DKK3: variants seen among roughly 807,000 people sequenced by gnomAD.
DKK3 encodes the protein dickkopf-related protein 3.
In DKK3, 22 loss-of-function variants were observed where a neutral mutation model predicts 33.2. The ratio of observed to expected loss-of-function variants is 0.66; its 90% CI spans 0.47 to 0.95. The LOEUF is 0.95. Among genes scored for constraint, DKK3 ranks in the 40% least tolerant of loss-of-function variants. The pLI is 0.00. For synonymous variants in DKK3, 194 were observed against 188.8 expected, an observed-to-expected ratio of 1.03 and a Z score of -0.23; for missense variants, 398 against 458.4, an observed-to-expected ratio of 0.87 and a Z score of 1.20.
intron 6 of DKK3, 40 bp from the exon 7 acceptor site, chr11:11,964,726 A>C (rs1430671436): frequency 6.3e-7 from 1 of 1,588,868 alleles, no homozygotes; most frequent in Admixed American, 1.8e-5. Context: ...TAAACGTGGG[A>C]GCCTGCCCAG....
At chr11:11,969,306 A>C (rs1426478864) in intron 3 of DKK3, among the ~76,000 whole-genome samples, 2 of 152,122 alleles carry the variant, frequency 1.3e-5, no homozygotes, top group Non-Finnish European at 2.9e-5. Context: ...ACAGCAGGGG[A>C]AGGAGGGCAG....
At chr11:12,001,179 G>C (rs776672511) in intron 2 of DKK3, among the ~76,000 whole-genome samples, 1 of 152,188 alleles carries the variant, frequency 6.6e-6, no homozygotes, top group Non-Finnish European at 1.5e-5. Context: ...TATTGGTTTT[G>C]ACAAGAATAA....
chr11:12,009,097 G>A, upstream of DKK3: 2 of 985,464 alleles, frequency 2.0e-6, no homozygotes, highest in Non-Finnish European at 2.4e-6. Flanking sequence ...CTACTCGAGC[G>A]CCCCGCCCCA....
At chr11:11,994,310 GATT>G (rs1019350420) in intron 3 of DKK3, among the ~76,000 whole-genome samples, 7 of 151,870 alleles carry the variant, frequency 4.6e-5, no homozygotes, top group African/African-American at 1.7e-4. Context: ...GTGAAAGGGG[GATT>G]ATTAGCCCCA....
chr11:11,967,242 G>C, intron 4 of DKK3, 144 bp from the exon 5 acceptor site: 1 of 1,087,870 alleles, frequency 9.2e-7, no homozygotes, highest in Non-Finnish European at 1.3e-6. Context: ...TTCAGTGAAA[G>C]TCAGTGGGAC....
Position 12,002,334 on chromosome 11 carries a change from T to G in DKK3, c.317A>C (p.Asn106Thr). The G allele has an allele frequency of 6.2e-7, 1 of 1,614,124 alleles. No homozygotes were observed. Among genetic ancestry groups the G allele is most frequent in the Non-Finnish European group, 8.5e-7 (1 of 1,180,008 alleles). The change falls in exon 2 of 7, where the codon AAT becomes ACT. Residue 106 changes from asparagine (N) to threonine (T), a missense_variant. Transcript: ENST00000683431. ...TTCTCGGTGCACATGGATGGTATTA[T>G]TTCCAACCTTCGTGTCTGTGTTGGT... ...NETNTDTKVG[N>T]NTIHVHREIH... is the part of the protein sequence containing the mutation.
chr11:11,984,969 T>C (rs1564915576), intron 3 of DKK3, among the ~76,000 whole-genome samples: 1 of 152,254 alleles, frequency 6.6e-6, no homozygotes, highest in African/African-American at 2.4e-5. Flanking sequence ...TTTATGCTAA[T>C]GAGCCTGGGA....
intron 3 of DKK3, among the ~76,000 whole-genome samples, chr11:11,972,414 C>T (rs1045848946): frequency 1.3e-5 from 2 of 152,226 alleles, no homozygotes; most frequent in African/African-American, 4.8e-5. Flanking sequence ...CTAGTCCTGA[C>T]TTATCTACAT....
chr11:11,966,473 T>C (rs1028927914), intron 5 of DKK3, among the ~76,000 whole-genome samples: 17 of 152,008 alleles, frequency 1.1e-4, no homozygotes, highest in Non-Finnish European at 2.9e-5. Flanking sequence ...AGCAGCCCTT[T>C]AGGAAGATCA....
chr11:11,988,408 TC>T (rs1313973874), intron 3 of DKK3, among the ~76,000 whole-genome samples: 1 of 152,176 alleles, frequency 6.6e-6, no homozygotes, highest in African/African-American at 2.4e-5. Flanking sequence ...CCTTCTGCAT[TC>T]CCCGCTTCCC....
chr11:11,999,221 T>C (rs1292161559), intron 2 of DKK3, among the ~76,000 whole-genome samples: 1 of 152,230 alleles, frequency 6.6e-6, no homozygotes, highest in Non-Finnish European at 1.5e-5. Context: ...CCCTACCTGA[T>C]TCTAGTGAAT....
chr11:11,993,763 G>A (rs960652976), intron 3 of DKK3, among the ~76,000 whole-genome samples: 1 of 152,154 alleles, frequency 6.6e-6, no homozygotes, highest in African/African-American at 2.4e-5. Flanking sequence ...ACTCTGTGTG[G>A]TTGTCAGACT....
intron 6 of DKK3, 103 bp from the exon 7 acceptor site, chr11:11,964,789 C>T (rs2134980520): frequency 6.6e-7 from 1 of 1,526,002 alleles, no homozygotes; most frequent in Non-Finnish European, 8.8e-7. Flanking sequence ...CACCTTCATG[C>T]CCCCTCCTCT....
intron 5 of DKK3, among the ~76,000 whole-genome samples, chr11:11,966,192 C>G (rs2134986507): frequency 6.6e-6 from 1 of 152,290 alleles, no homozygotes; most frequent in African/African-American, 2.4e-5. Flanking sequence ...AGGTGGGCTT[C>G]TGCTGGATTT....
At chr11:12,009,266 G>A (rs1848609190), upstream of DKK3, 1 of 984,316 alleles carries the variant, frequency 1.0e-6, no homozygotes, top group African/African-American at 1.8e-5. Context: ...GGAGCGGCGC[G>A]GTGGGCGGGC....
intron 3 of DKK3, among the ~76,000 whole-genome samples, chr11:11,975,330 G>T (rs1160533718): frequency 6.6e-6 from 1 of 152,220 alleles, no homozygotes; most frequent in Non-Finnish European, 1.5e-5. Context: ...TCCAAAGGAT[G>T]TGGAGCCACA....
At position 11,975,966 on chromosome 11, in the gene DKK3, G is replaced by A. The variant is rs138931723; in HGVS notation, c.436-7479C>T. ...CTCTGGGTCTTATCTGTAAAGTGGG[G>A]AACCTCATGAAGTTACTGGACAGAT... On this transcript the variant is annotated intron_variant, in intron 3 of 6. Coordinates refer to ENST00000683431, the MANE Select transcript of DKK3 (RefSeq NM_001018057.2). Among the ~76,000 whole-genome samples the A allele has an allele frequency of 6.1e-3, 935 of 152,286 alleles. 8 individuals are homozygous for A. Among genetic ancestry groups the A allele is most frequent in the Non-Finnish European group, 9.0e-3 (610 of 68,026 alleles).
chr11:11,976,746 C>G (rs1847842192), intron 3 of DKK3, among the ~76,000 whole-genome samples: 1 of 152,228 alleles, frequency 6.6e-6, no homozygotes, highest in African/African-American at 2.4e-5. Flanking sequence ...GGAGGATTAG[C>G]AACAGTGCCC....
intron 2 of DKK3, 74 bp downstream of exon 2, chr11:12,002,226 C>G: frequency 6.8e-7 from 1 of 1,480,772 alleles, no homozygotes; most frequent in East Asian, 2.3e-5. Flanking sequence ...TATGAAAAAA[C>G]AAAAACAAAA....
Sources: allele counts gnomAD v4.1 joint callset (sites outside exome capture counted in the v4.1 genomes callset), GRCh38; gene constraint gnomAD v4.1.1; transcripts MANE v1.5; gene names NCBI Gene and HGNC (gene_info 2026-07-23, HGNC 2026-07-21).